The following FHIT variants were observed in gnomAD, a reference collection of about 807,000 sequenced individuals.
FHIT encodes the protein fragile histidine triad diadenosine triphosphatase, also known as bis(5'-adenosyl)-triphosphatase.
Under a neutral mutation model 17.9 loss-of-function variants are expected in FHIT, and 19 were observed. The observed-to-expected ratio is 1.06, with a 90% CI of 0.74 to 1.56. FHIT has a LOEUF of 1.56. Ranked by LOEUF, FHIT falls within the 40% of genes most tolerant of loss-of-function variation. FHIT has a pLI of 0.00. For synonymous variants in FHIT, 81 were observed against 69.7 expected, an observed-to-expected ratio of 1.16 and a Z score of -0.81; for missense variants, 248 against 189.2, an observed-to-expected ratio of 1.31 and a Z score of -1.82.
At chr3:60,443,842 G>A (rs943110142) in intron 5 of FHIT, among the ~76,000 whole-genome samples, 5 of 152,094 alleles carry the variant, frequency 3.3e-5, no homozygotes, top group Non-Finnish European at 7.3e-5. Flanking sequence ...ATTGACAAAT[G>A]GGATCCAATT....
At chr3:59,959,719 T>A (rs1229154396) in intron 7 of FHIT, among the ~76,000 whole-genome samples, 2 of 152,218 alleles carry the variant, frequency 1.3e-5, no homozygotes, top group Non-Finnish European at 2.9e-5. Context: ...CACAGTCTAA[T>A]GAAAGCACAA....
intron 4 of FHIT, among the ~76,000 whole-genome samples, chr3:60,737,475 A>G (rs567794992): frequency 6.6e-6 from 1 of 152,256 alleles, no homozygotes; most frequent in South Asian, 2.1e-4. Context: ...TGGCTAGCCT[A>G]CATGAAGATA....
intron 5 of FHIT, among the ~76,000 whole-genome samples, chr3:60,066,847 G>T (rs1702535973): frequency 6.6e-6 from 1 of 151,550 alleles, no homozygotes; most frequent in African/African-American, 2.4e-5. Context: ...TAGTAGAGAC[G>T]GGGTTTCACC....
At chr3:60,787,157 A>G (rs555644318) in intron 4 of FHIT, among the ~76,000 whole-genome samples, 102 of 152,316 alleles carry the variant, frequency 6.7e-4, no homozygotes, top group African/African-American at 2.3e-3. Flanking sequence ...CCAAGTAATG[A>G]CCCATGTGGG....
At chr3:60,055,661 T>C (rs1373928963) in intron 5 of FHIT, among the ~76,000 whole-genome samples, 1 of 152,226 alleles carries the variant, frequency 6.6e-6, no homozygotes, top group Non-Finnish European at 1.5e-5. Flanking sequence ...AGAAAGCTTT[T>C]TGATTCCATT....
chr3:61,241,936 C>T (rs1036128257), intron 1 of FHIT, among the ~76,000 whole-genome samples: 1 of 152,160 alleles, frequency 6.6e-6, no homozygotes, highest in African/African-American at 2.4e-5. Flanking sequence ...CTTTTTCCCA[C>T]CCTTTCTCTT....
chr3:59,999,293 G>C (rs913637288), intron 7 of FHIT, among the ~76,000 whole-genome samples: 4 of 152,104 alleles, frequency 2.6e-5, no homozygotes, highest in South Asian at 2.1e-4. Context: ...AAAGAAAGGA[G>C]AGAATAGACT....
chr3:60,990,229 T>C (rs1334631808), intron 3 of FHIT, among the ~76,000 whole-genome samples: 2 of 152,210 alleles, frequency 1.3e-5, no homozygotes, highest in Non-Finnish European at 2.9e-5. Context: ...AATTAAAAAC[T>C]TCCTACCAAA....
chr3:60,632,769 C>T (rs980546651), intron 4 of FHIT, among the ~76,000 whole-genome samples: 4 of 151,820 alleles, frequency 2.6e-5, no homozygotes, highest in South Asian at 2.1e-4. Context: ...TCATTGTCAC[C>T]GAGGAAAGGG....
intron 4 of FHIT, among the ~76,000 whole-genome samples, chr3:60,557,289 G>A (rs1454628746): frequency 1.3e-5 from 2 of 152,080 alleles, no homozygotes; most frequent in African/African-American, 2.4e-5. Flanking sequence ...ACCTCCAACA[G>A]TGCTAAGAAA....
chr3:60,844,549 T>A lies in FHIT; in HGVS notation c.-110-22538A>T, dbSNP rs1466305364. Among the ~76,000 whole-genome samples, 3 of 152,174 alleles carry A rather than the reference T, an allele frequency of 2.0e-5. No individual in the cohort carries two copies. The East Asian group carries it at 5.8e-4, about 29-fold the overall frequency. Reference sequence around the variant, plus strand: ...CTGCCACTTAATTTCATGTGATAATTTTCCCCAATGACTAACCAAATATGC... The same window carrying A: ...CTGCCACTTAATTTCATGTGATAATATTCCCCAATGACTAACCAAATATGC... On this transcript the variant is annotated intron_variant, in intron 3 of 9. Coordinates refer to ENST00000492590, the MANE Select transcript of FHIT (RefSeq NM_002012.4).
intron 3 of FHIT, among the ~76,000 whole-genome samples, chr3:60,860,679 C>CATATATATCAGGTATATATGTACATATGT (rs1559779977): frequency 6.1e-5 from 6 of 98,488 alleles, no homozygotes; most frequent in South Asian, 2.7e-4. Context: ...TACATATGTA[C>CATATATATCAGGTATATATGTACATATGT]ATATATATCA....
intron 5 of FHIT, among the ~76,000 whole-genome samples, chr3:60,124,001 TATATATATAGAGAGAGAGAGAGAGAG>T (rs1705399415): frequency 3.6e-4 from 10 of 27,934 alleles, no homozygotes; most frequent in African/African-American, 1.2e-3. Flanking sequence ...TATATATATA[TATATATATAGAGAGAGAGAGAGAGAG>T]AGAGAGAGAG....
intron 5 of FHIT, among the ~76,000 whole-genome samples, chr3:60,064,939 T>C (rs950619531): frequency 1.3e-5 from 2 of 152,174 alleles, no homozygotes; most frequent in Admixed American, 1.3e-4. Flanking sequence ...GATATAACAC[T>C]TACCCTACTC....
chr3:60,195,901 T>C (rs1489622741), intron 5 of FHIT, among the ~76,000 whole-genome samples: 1 of 151,662 alleles, frequency 6.6e-6, no homozygotes, highest in African/African-American at 2.4e-5. Flanking sequence ...GCGTGGGGGA[T>C]TTTAAAAAAC....
intron 4 of FHIT, among the ~76,000 whole-genome samples, chr3:60,709,342 A>C (rs2107929818): frequency 6.6e-6 from 1 of 152,318 alleles, no homozygotes; most frequent in South Asian, 2.1e-4. Context: ...GTGTTGTGAT[A>C]TATTATTAGG....
intron 5 of FHIT, among the ~76,000 whole-genome samples, chr3:60,485,889 ATAATTAC>A (rs1253998603): frequency 6.6e-6 from 1 of 152,132 alleles, no homozygotes; most frequent in Non-Finnish European, 1.5e-5. Flanking sequence ...ACCCCAACCT[ATAATTAC>A]TAATTACTAA....
At chr3:60,766,146 T>G (rs116400117) in intron 4 of FHIT, among the ~76,000 whole-genome samples, 1 of 152,294 alleles carries the variant, frequency 6.6e-6, no homozygotes, top group East Asian at 1.9e-4. Flanking sequence ...TATACATACA[T>G]ATATCCTACT....
intron 5 of FHIT, among the ~76,000 whole-genome samples, chr3:60,504,800 C>T (rs1241840203): frequency 3.3e-5 from 5 of 152,046 alleles, no homozygotes; most frequent in African/African-American, 4.8e-5. Flanking sequence ...CCTTTCTGCC[C>T]GGTAGTAAGC....
Sources: gnomAD v4.1 joint callset for allele counts (sites outside exome capture counted in the v4.1 genomes callset) on GRCh38, gnomAD v4.1.1 for gene constraint, MANE v1.5 for transcripts, NCBI Gene and HGNC (gene_info 2026-07-23, HGNC 2026-07-21) for gene names.